KIAA0825: variants seen among roughly 807,000 people sequenced by gnomAD.
KIAA0825 encodes uncharacterized protein KIAA0825.
Under a neutral mutation model 147.6 loss-of-function variants are expected in KIAA0825, and 119 were observed. The observed-to-expected ratio is 0.81, with a 90% confidence interval of 0.69 to 0.94. The LOEUF is 0.94. Ranked by LOEUF, KIAA0825 falls within the 40% of genes least tolerant of loss-of-function variation. The pLI is 0.00. For missense variants in KIAA0825, 1,381 were observed against 1,472.7 expected, an observed-to-expected ratio of 0.94 and a Z score of 1.02; for synonymous variants, 470 against 518.1, an observed-to-expected ratio of 0.91 and a Z score of 1.26.
intron 20 of KIAA0825, among the ~76,000 whole-genome samples, chr5:94,284,527 A>T (rs2150158051): frequency 6.6e-6 from 1 of 152,250 alleles, no homozygotes; most frequent in South Asian, 2.1e-4. Context: ...TATATTTAGG[A>T]CATTTCTATA....
chr5:94,516,763 C>G (rs1767320845), intron 5 of KIAA0825, among the ~76,000 whole-genome samples: 2 of 141,902 alleles, frequency 1.4e-5, no homozygotes, highest in South Asian at 4.4e-4. Flanking sequence ...GCACTCCCGC[C>G]TGGGCGACAG....
intron 20 of KIAA0825, among the ~76,000 whole-genome samples, chr5:94,251,093 C>T (rs1397063608): frequency 6.6e-6 from 1 of 151,982 alleles, no homozygotes; most frequent in African/African-American, 2.4e-5. Context: ...GTTGGGTGAC[C>T]CATCTAAAAC....
At chr5:94,453,569 G>A (rs888293564) in intron 12 of KIAA0825, among the ~76,000 whole-genome samples, 10 of 152,024 alleles carry the variant, frequency 6.6e-5, no homozygotes, top group African/African-American at 1.9e-4. Flanking sequence ...TATGTTAATA[G>A]GTGGCTCAGG....
In KIAA0825 at chr5:94,391,768, T is replaced by C. The variant is rs1044048096; in HGVS notation, c.3297-74A>G. Reference sequence around the variant, plus strand: ...ATGGAGAGTAATCATGGAGATGGAGTGTGGAGAGTTGATGTAAATCTCAGA... The same window carrying C: ...ATGGAGAGTAATCATGGAGATGGAGCGTGGAGAGTTGATGTAAATCTCAGA... On this transcript the variant is annotated intron_variant, in intron 17 of 20. Coordinates refer to ENST00000682413, the MANE Select transcript of KIAA0825 (RefSeq NM_001145678.3). 1.2e-5 allele frequency: 15 copies of C among 1,202,950 alleles called. No individual in the cohort carries two copies. The African/African-American group carries it at 2.2e-4, about 17-fold the overall frequency. The allele number at this position is 1,202,950 out of a possible 1,614,324, so 74.5% of individuals were successfully genotyped here. A position where few individuals can be genotyped will look rare whatever the true frequency, so the allele number is the denominator to read the frequency against.
Position 94,484,671 on chromosome 5 carries a change from G to T in KIAA0825, c.1132+98C>A, listed in dbSNP as rs1449940820. On this transcript the variant is annotated intron_variant, in intron 6 of 20. Transcript: ENST00000682413. The stretch of plus-strand genomic sequence containing the variant: ...ATGCTTATTTAAAGAATTCTTTCAT[G>T]TGTGTTTTTTTCAAGTAATCGTTTT... 22 of 745,834 alleles carry T rather than the reference G, an allele frequency of 2.9e-5. No homozygotes were observed. The East Asian group carries it at 5.4e-4, about 18-fold the overall frequency. The allele number at this position is 745,834 out of a possible 1,614,324, so 46.2% of individuals were successfully genotyped here.
At chr5:94,528,446 C>T (rs1203817482) in intron 3 of KIAA0825, among the ~76,000 whole-genome samples, 1 of 152,194 alleles carries the variant, frequency 6.6e-6, no homozygotes, top group African/African-American at 2.4e-5. Flanking sequence ...TGGCCATTCA[C>T]ACCTAGTGTA....
At chr5:94,448,347 A>G (rs1757986976) in intron 13 of KIAA0825, among the ~76,000 whole-genome samples, 1 of 151,844 alleles carries the variant, frequency 6.6e-6, no homozygotes, top group African/African-American at 2.4e-5. Flanking sequence ...GCTTTTATCC[A>G]TTTCATAGTT....
At chr5:94,187,409 T>TG (rs1356593398) in intron 20 of KIAA0825, among the ~76,000 whole-genome samples, 2 of 149,342 alleles carry the variant, frequency 1.3e-5, no homozygotes, top group African/African-American at 2.4e-5. Flanking sequence ...GGAGTTTTTT[T>TG]TTTTTTTTTT....
At chr5:94,426,675 A>G (rs1427098307) in intron 14 of KIAA0825, among the ~76,000 whole-genome samples, 1 of 152,210 alleles carries the variant, frequency 6.6e-6, no homozygotes, top group African/African-American at 2.4e-5. Context: ...ATAATATTGT[A>G]TATTTCAAAG....
chr5:94,419,775 A>G (rs987759409), intron 14 of KIAA0825, among the ~76,000 whole-genome samples: 3 of 152,162 alleles, frequency 2.0e-5, no homozygotes, highest in Non-Finnish European at 4.4e-5. Flanking sequence ...TATTACCGCA[A>G]CATAAGGAAA....
chr5:94,613,498 A>C (rs564054817), intron 1 of KIAA0825, among the ~76,000 whole-genome samples: 53 of 152,168 alleles, frequency 3.5e-4, no homozygotes, highest in African/African-American at 1.3e-3. Flanking sequence ...TGCGCCGGCC[A>C]ATCTTGTCTT....
intron 20 of KIAA0825, among the ~76,000 whole-genome samples, chr5:94,235,816 A>C (rs1775011023): frequency 6.6e-6 from 1 of 152,168 alleles, no homozygotes; most frequent in South Asian, 2.1e-4. Context: ...AATTATGCTA[A>C]ATCTCCTGTG....
intron 20 of KIAA0825, among the ~76,000 whole-genome samples, chr5:94,277,102 A>G (rs1482967541): frequency 6.6e-6 from 1 of 152,112 alleles, no homozygotes; most frequent in African/African-American, 2.4e-5. Flanking sequence ...TGGTCTCTCC[A>G]AGAGTAAAGG....
At chr5:94,517,337 G>A (rs951056346) in intron 5 of KIAA0825, among the ~76,000 whole-genome samples, 2 of 152,034 alleles carry the variant, frequency 1.3e-5, no homozygotes, top group African/African-American at 4.8e-5. Flanking sequence ...CTGTTGAGAA[G>A]GTTAAGTGAA....
chr5:94,331,218 AAAG>A (rs1386314883), intron 20 of KIAA0825, among the ~76,000 whole-genome samples: 2 of 152,038 alleles, frequency 1.3e-5, no homozygotes, highest in Non-Finnish European at 2.9e-5. Context: ...GAAAGAAAGA[AAAG>A]AAAGAAAACA....
intron 15 of KIAA0825, among the ~76,000 whole-genome samples, chr5:94,406,377 C>T (rs1456315995): frequency 6.6e-6 from 1 of 152,132 alleles, no homozygotes; most frequent in Non-Finnish European, 1.5e-5. Flanking sequence ...TGTCCATAGT[C>T]TATGTAGTAA....
At chr5:94,347,466 C>T (rs1056821725) in intron 20 of KIAA0825, among the ~76,000 whole-genome samples, 2 of 152,242 alleles carry the variant, frequency 1.3e-5, no homozygotes, top group Non-Finnish European at 1.5e-5. Flanking sequence ...ATAGACAGTT[C>T]ACATCACAGG....
intron 2 of KIAA0825, among the ~76,000 whole-genome samples, chr5:94,563,654 A>C (rs368515102): frequency 1.3e-5 from 2 of 152,186 alleles, no homozygotes; most frequent in African/African-American, 4.8e-5. Flanking sequence ...TTCCAACTGT[A>C]AAACATTTCT....
intron 20 of KIAA0825, among the ~76,000 whole-genome samples, chr5:94,383,590 C>T (rs1174494844): frequency 6.6e-6 from 1 of 152,048 alleles, no homozygotes; most frequent in Non-Finnish European, 1.5e-5. Context: ...TAAAATATAT[C>T]TTATTTGAAA....
Sources: allele counts gnomAD v4.1 joint callset (sites outside exome capture counted in the v4.1 genomes callset), GRCh38; gene constraint gnomAD v4.1.1; transcripts MANE v1.5; gene names NCBI Gene and HGNC (gene_info 2026-07-23, HGNC 2026-07-21).